The following PIK3C2G variants were observed in gnomAD, a reference collection of about 807,000 sequenced individuals.
PIK3C2G encodes phosphatidylinositol 3-kinase C2 domain-containing subunit gamma.
A neutral mutation model predicts 181.1 loss-of-function variants in PIK3C2G; 168 were observed. The ratio of observed to expected loss-of-function variants is 0.93; its 90% confidence interval spans 0.82 to 1.05. The LOEUF is 1.05. PIK3C2G is among the 50% of genes least tolerant of loss of function. The pLI is 0.00. For missense variants in PIK3C2G, 1,869 were observed against 1,732.8 expected (o/e 1.08, Z -1.40); for synonymous variants, 573 against 592.2 (o/e 0.97, Z 0.47).
chr12:18,500,790 C>A (rs1349904413), intron 22 of PIK3C2G, among the ~76,000 whole-genome samples: 1 of 152,176 alleles, frequency 6.6e-6, no homozygotes, highest in African/African-American at 2.4e-5. Flanking sequence ...CCCTTCCACA[C>A]TGTGGAAGCT....
chr12:18,537,790 T>C, intron 24 of PIK3C2G, among the ~76,000 whole-genome samples: 1 of 152,142 alleles, frequency 6.6e-6, no homozygotes. Context: ...TGTTCGATCA[T>C]ATCAAAATTT....
At chr12:18,491,370 C>T in intron 19 of PIK3C2G, 81 bp from the exon 20 acceptor site, 1 of 741,844 alleles carries the variant, frequency 1.3e-6, no homozygotes. Context: ...TTCATTTAAT[C>T]AATAGAAGAA....
In PIK3C2G at chr12:18,451,709, G is replaced by C. The variant is rs189585916; in HGVS notation, c.2504+27670G>C. Among the ~76,000 whole-genome samples, 10 of 152,282 alleles carry C rather than the reference G, an allele frequency of 6.6e-5. No individual in the cohort carries two copies. The East Asian group carries it at 1.9e-3, about 29-fold the overall frequency. ...CCATTCAGTATGATATTGGCTATGG[G>C]TTTGTCATAAATAGCTCTTATTAGT... On this transcript the variant is annotated intron_variant, in intron 18 of 32. Transcript: ENST00000538779.
intron 1 of PIK3C2G, among the ~76,000 whole-genome samples, chr12:18,265,276 T>A (rs538435728): frequency 6.6e-6 from 1 of 152,342 alleles, no homozygotes; most frequent in East Asian, 1.9e-4. Context: ...ATTTTAGGTA[T>A]GTTCATTTAT....
intron 7 of PIK3C2G, among the ~76,000 whole-genome samples, chr12:18,321,302 C>T (rs1445373183): frequency 1.3e-5 from 2 of 152,124 alleles, no homozygotes; most frequent in Non-Finnish European, 2.9e-5. Context: ...GACTTGTTTT[C>T]CCGATTCATT....
chr12:18,257,198 G>A (rs933248491), upstream of PIK3C2G, among the ~76,000 whole-genome samples: 1 of 152,146 alleles, frequency 6.6e-6, no homozygotes, highest in Admixed American at 6.6e-5. Flanking sequence ...GAAAAAGGAA[G>A]TCTTAAGTTG....
intron 29 of PIK3C2G, among the ~76,000 whole-genome samples, chr12:18,591,418 A>C (rs1045421002): frequency 5.3e-5 from 8 of 151,864 alleles, no homozygotes; most frequent in African/African-American, 1.9e-4. Flanking sequence ...AATAAGTCAC[A>C]ATCTCTGTAC....
chr12:18,580,916 A>T (rs1946466877), intron 29 of PIK3C2G, among the ~76,000 whole-genome samples: 1 of 152,170 alleles, frequency 6.6e-6, no homozygotes, highest in African/African-American at 2.4e-5. Flanking sequence ...CCAATTCTAG[A>T]TGTTGGCTGA....
Position 18,282,501 on chromosome 12 carries a change from A to C in PIK3C2G, c.420A>C (p.Arg140Ser). The C allele has an allele frequency of 6.2e-7, 1 of 1,612,516 alleles. No individual in the cohort carries two copies. The highest frequency in any genetic ancestry group is 1.3e-5 in the African/African-American group (1 of 75,018). Residue 140 changes from arginine (R) to serine (S), a missense_variant, in exon 2 of 33, where the codon AGA becomes AGC. Arg to Ser is a moderately radical substitution (Grantham distance 110). Transcript: ENST00000538779. ...IGKHHGADDSRFSILAPSFTS... is the reference protein window; with the variant it reads ...IGKHHGADDSSFSILAPSFTS... ...AACATCATGGTGCTGATGATTCCAGATTCAGTATTTTAGCTCCATCATTCA... is the reference window on the plus strand; with the variant it reads ...AACATCATGGTGCTGATGATTCCAGCTTCAGTATTTTAGCTCCATCATTCA...
At chr12:18,501,128 G>A (rs1437976513) in intron 22 of PIK3C2G, among the ~76,000 whole-genome samples, 1 of 152,106 alleles carries the variant, frequency 6.6e-6, no homozygotes, top group Non-Finnish European at 1.5e-5. Context: ...GAAGGTCCGC[G>A]GCTTCATTCT....
At chr12:18,595,458 T>C (rs943353531) in intron 30 of PIK3C2G, among the ~76,000 whole-genome samples, 4 of 152,152 alleles carry the variant, frequency 2.6e-5, no homozygotes, top group Non-Finnish European at 5.9e-5. Flanking sequence ...GGATTCCAGA[T>C]ACCTGTGTAT....
At chr12:18,655,905 T>C in the PIK3C2G span, among the ~76,000 whole-genome samples, 1 of 152,154 alleles carries the variant, frequency 6.6e-6, no homozygotes, top group Admixed American at 6.5e-5. Flanking sequence ...ATGACTACTC[T>C]ATGTAATGTG....
intron 18 of PIK3C2G, among the ~76,000 whole-genome samples, chr12:18,440,766 G>C (rs543063483): frequency 6.6e-6 from 1 of 152,158 alleles, no homozygotes; most frequent in African/African-American, 2.4e-5. Flanking sequence ...GGCATTATTA[G>C]AATATTAGCT....
chr12:18,378,786 C>G (rs1160577138), intron 13 of PIK3C2G, among the ~76,000 whole-genome samples: 15 of 152,122 alleles, frequency 9.9e-5, no homozygotes, highest in African/African-American at 1.9e-4. Flanking sequence ...CTGGCCATCA[C>G]AGAAATGCAA....
intron 12 of PIK3C2G, among the ~76,000 whole-genome samples, chr12:18,370,052 A>C (rs530020178): frequency 5.5e-4 from 84 of 151,868 alleles, no homozygotes; most frequent in African/African-American, 1.9e-3. Flanking sequence ...TAACGATCGT[A>C]TAATTGACAT....
chr12:18,422,927 G>A (rs1945571065), intron 17 of PIK3C2G, among the ~76,000 whole-genome samples: 1 of 152,034 alleles, frequency 6.6e-6, no homozygotes, highest in Non-Finnish European at 1.5e-5. Context: ...TCCTTCTATA[G>A]TCAGACAGCA....
chr12:18,725,740 C>T, the PIK3C2G span, among the ~76,000 whole-genome samples: 3 of 152,168 alleles, frequency 2.0e-5, no homozygotes, highest in Non-Finnish European at 4.4e-5. Context: ...AGGTACCAAA[C>T]CATCTCTTGC....
In PIK3C2G at chr12:18,314,090, A is replaced by G. The variant is rs1393545199; in HGVS notation, c.1137+26A>G. 3.3e-6 allele frequency: 4 copies of G among 1,224,460 alleles called. No individual in the cohort carries two copies. The African/African-American group carries it at 6.0e-5, about 19-fold the overall frequency. The allele number at this position is 1,224,460 out of a possible 1,614,324, so 75.8% of individuals were successfully genotyped here. On this transcript the variant is annotated intron_variant, in intron 6 of 32. Transcript: ENST00000538779. ...GTAAGACTTTCTTAGCATTGGTTTC[A>G]ATTGGCAAACTGACAGTTTTAAGGA... is the stretch of plus-strand genomic sequence containing the variant.
Position 18,489,926 on chromosome 12 carries a change from T to A in PIK3C2G, c.2685+1297T>A, listed in dbSNP as rs114710681. Among the ~76,000 whole-genome samples the A allele has an allele frequency of 6.2e-3, 939 of 152,292 alleles. 11 individuals are homozygous for A. The highest frequency in any genetic ancestry group is 0.021 in the African/African-American group (869 of 41,568). On this transcript the variant is annotated intron_variant, in intron 19 of 32. Transcript: ENST00000538779. ...TTATTCACTCAGGTAAATATATTTATCTTGCCTTGAGTGGCTGCTTTTGTG... is the reference window on the plus strand; with the variant it reads ...TTATTCACTCAGGTAAATATATTTAACTTGCCTTGAGTGGCTGCTTTTGTG...
Sources: allele counts gnomAD v4.1 joint callset (sites outside exome capture counted in the v4.1 genomes callset), GRCh38; gene constraint gnomAD v4.1.1; transcripts MANE v1.5; gene names NCBI Gene and HGNC (gene_info 2026-07-23, HGNC 2026-07-21).